The following DNM3 variants were observed in gnomAD, a reference collection of about 807,000 sequenced individuals.
DNM3 encodes dynamin-3.
DNM3 carries 47 observed loss-of-function variants against 101.6 expected under a neutral mutation model. That is an observed-to-expected ratio of 0.46 (90% CI 0.37 to 0.59). The LOEUF (loss-of-function observed/expected upper bound fraction) is 0.59. Ranked by LOEUF, DNM3 falls within the 20% of genes least tolerant of loss-of-function variation. The pLI, the probability that DNM3 is intolerant of heterozygous loss-of-function variation, is 0.00. For synonymous variants in DNM3, 385 were observed against 387.9 expected, an observed-to-expected ratio of 0.99 and a Z score of 0.09; for missense variants, 849 against 1,085.7, an observed-to-expected ratio of 0.78 and a Z score of 3.06.
intron 2 of DNM3, among the ~76,000 whole-genome samples, chr1:171,943,816 T>C (rs2041974079): frequency 6.6e-6 from 1 of 152,226 alleles, no homozygotes; most frequent in Non-Finnish European, 1.5e-5. Flanking sequence ...AGAATAAATA[T>C]CTTCAAACTT....
At chr1:172,056,394 A>G (rs1156499629) in intron 10 of DNM3, among the ~76,000 whole-genome samples, 3 of 152,242 alleles carry the variant, frequency 2.0e-5, no homozygotes, top group Non-Finnish European at 2.9e-5. Flanking sequence ...GGGGCAGGGC[A>G]CAGACAAAGA....
chr1:172,089,290 T>A (rs2053748222), intron 12 of DNM3, among the ~76,000 whole-genome samples: 1 of 152,228 alleles, frequency 6.6e-6, no homozygotes, highest in Non-Finnish European at 1.5e-5. Context: ...CATATTTTTA[T>A]ATGCTACGGA....
chr1:172,405,526 C>G (rs898997991), intron 20 of DNM3, among the ~76,000 whole-genome samples: 1 of 152,008 alleles, frequency 6.6e-6, no homozygotes, highest in Non-Finnish European at 1.5e-5. Flanking sequence ...AAGCCTTGAT[C>G]CAAGCTATCA....
intron 14 of DNM3, among the ~76,000 whole-genome samples, chr1:172,194,726 C>T (rs1384178185): frequency 6.6e-6 from 1 of 152,042 alleles, no homozygotes; most frequent in Non-Finnish European, 1.5e-5. Context: ...AGATCTTCCT[C>T]CATCCCTTTA....
chr1:172,240,776 A>G (rs1278523550), intron 14 of DNM3, among the ~76,000 whole-genome samples: 1 of 152,208 alleles, frequency 6.6e-6, no homozygotes, highest in Non-Finnish European at 1.5e-5. Context: ...ATAGCATGTT[A>G]CATGGACTTT....
chr1:172,121,900 A>G (rs1185946394), intron 13 of DNM3, among the ~76,000 whole-genome samples: 1 of 152,180 alleles, frequency 6.6e-6, no homozygotes, highest in Non-Finnish European at 1.5e-5. Context: ...CAGTCAATCC[A>G]GTCAGTTCCT....
At chr1:172,378,807 C>A (rs1207447882) in intron 17 of DNM3, among the ~76,000 whole-genome samples, 1 of 151,934 alleles carries the variant, frequency 6.6e-6, no homozygotes, top group African/African-American at 2.4e-5. Context: ...ACTTGCTTTC[C>A]CTAGAATGTG....
intron 1 of DNM3, among the ~76,000 whole-genome samples, chr1:171,894,113 C>T (rs574552043): frequency 2.0e-5 from 3 of 152,056 alleles, no homozygotes; most frequent in Non-Finnish European, 4.4e-5. Context: ...TGAGCCACAG[C>T]GCCTGGCCCA....
intron 16 of DNM3, among the ~76,000 whole-genome samples, chr1:172,315,180 C>T (rs555688841): frequency 6.6e-6 from 1 of 152,286 alleles, no homozygotes; most frequent in South Asian, 2.1e-4. Context: ...AGCTGAGGGT[C>T]CTGTCTGTTA....
chr1:172,193,291 T>C (rs2059808614), intron 14 of DNM3, among the ~76,000 whole-genome samples: 2 of 152,196 alleles, frequency 1.3e-5, no homozygotes, highest in African/African-American at 2.4e-5. Context: ...TTTGCATCGA[T>C]GTTCATCAGG....
At chr1:172,334,916 G>T (rs1038790632) in intron 17 of DNM3, among the ~76,000 whole-genome samples, 1 of 151,940 alleles carries the variant, frequency 6.6e-6, no homozygotes, top group South Asian at 2.1e-4. Context: ...TCCTCTAAAA[G>T]CCTGTTTCAA....
chr1:172,055,553 G>A (rs1339936125), intron 10 of DNM3, among the ~76,000 whole-genome samples: 1 of 151,770 alleles, frequency 6.6e-6, no homozygotes, highest in Non-Finnish European at 1.5e-5. Flanking sequence ...AGATAATTAA[G>A]GGACCTTGAG....
At chr1:171,889,140 C>T (rs892312882) in intron 1 of DNM3, among the ~76,000 whole-genome samples, 7 of 152,060 alleles carry the variant, frequency 4.6e-5, no homozygotes, top group Admixed American at 2.0e-4. Flanking sequence ...CCACCATGCC[C>T]GGCTAATTTT....
rs1228008938 is a variant in DNM3 at position 172,412,661 on chromosome 1, T to C, written c.*4820T>C. 4 of 985,540 alleles carry C rather than the reference T, an allele frequency of 4.1e-6. No homozygotes were observed. Among genetic ancestry groups the C allele is most frequent in the Non-Finnish European group, 4.8e-6 (4 of 829,630 alleles). 61.0% of individuals were successfully genotyped at this position (985,540 alleles called of 1,614,324 possible). ...CGTTCTTGAAGGTCACATGTACCTA[T>C]TGTGAAAATGTGAAGCTGTATTTCT... On this transcript the variant is annotated 3_prime_UTR_variant, in exon 21 of 21. Transcript: ENST00000627582.
chr1:172,033,276 T>G lies in DNM3; in HGVS notation c.849+11T>G, dbSNP rs747047154. ...AAGGTCCTTAATCAGGTAAAAATGTTCTTTCAAGCAACAAGAACAATTATG... is the reference window on the plus strand; with the variant it reads ...AAGGTCCTTAATCAGGTAAAAATGTGCTTTCAAGCAACAAGAACAATTATG... On this transcript the variant is annotated intron_variant, in intron 6 of 20. Transcript: ENST00000627582. The G allele has an allele frequency of 6.3e-7, 1 of 1,580,424 alleles. No individual in the cohort carries two copies. Among genetic ancestry groups the G allele is most frequent in the Admixed American group, 1.8e-5 (1 of 55,132 alleles).
chr1:171,951,587 C>A (rs2042530481), intron 2 of DNM3, among the ~76,000 whole-genome samples: 1 of 152,052 alleles, frequency 6.6e-6, no homozygotes, highest in Non-Finnish European at 1.5e-5. Context: ...ATTCTAAACA[C>A]CTCCTTATAG....
chr1:172,269,309 G>A (rs1052160710), intron 15 of DNM3, among the ~76,000 whole-genome samples: 1 of 152,102 alleles, frequency 6.6e-6, no homozygotes, highest in Non-Finnish European at 1.5e-5. Flanking sequence ...CCTATTTTCC[G>A]GAACAAGTAT....
At chr1:172,200,664 C>T (rs1200930906) in intron 14 of DNM3, among the ~76,000 whole-genome samples, 1 of 152,012 alleles carries the variant, frequency 6.6e-6, no homozygotes, top group East Asian at 1.9e-4. Context: ...TCTTCAAGTT[C>T]TGAGATACTT....
At chr1:171,856,783 G>C (rs1457938355) in intron 1 of DNM3, among the ~76,000 whole-genome samples, 2 of 152,128 alleles carry the variant, frequency 1.3e-5, no homozygotes, top group African/African-American at 4.8e-5. Flanking sequence ...GGGTTTTCTA[G>C]ATATCAAATC....
Sources: allele counts gnomAD v4.1 joint callset (sites outside exome capture counted in the v4.1 genomes callset), GRCh38; gene constraint gnomAD v4.1.1; transcripts MANE v1.5; gene names NCBI Gene and HGNC (gene_info 2026-07-23, HGNC 2026-07-21).